ANK1: variants seen among roughly 807,000 people sequenced by gnomAD.
ANK1 encodes the protein ankyrin 1, also known as ankyrin-1.
Under a neutral mutation model 210.4 loss-of-function variants are expected in ANK1, and 51 were observed. The observed-to-expected ratio is 0.24, with a 90% CI of 0.19 to 0.31. ANK1 has a LOEUF of 0.31. Among genes scored for constraint, ANK1 ranks in the 10% least tolerant of loss-of-function variants. ANK1 has a pLI of 1.00. For synonymous variants in ANK1, 967 were observed against 1,025.9 expected (o/e 0.94, Z 1.10); for missense variants, 2,051 against 2,504.4 (o/e 0.82, Z 3.86).
chr8:41,817,921 G>T (rs570822708), intron 1 of ANK1, among the ~76,000 whole-genome samples: 1 of 152,340 alleles, frequency 6.6e-6, no homozygotes, highest in East Asian at 1.9e-4. Context: ...CTGAGACGAT[G>T]CTCCTGAGAA....
intron 1 of ANK1, among the ~76,000 whole-genome samples, chr8:41,877,594 A>T (rs1348686228): frequency 6.6e-6 from 1 of 152,240 alleles, no homozygotes; most frequent in African/African-American, 2.4e-5. Flanking sequence ...CACTGCTCTC[A>T]CAGAATTTAT....
chr8:41,696,076 G>A (rs769655017), intron 26 of ANK1, among the ~76,000 whole-genome samples: 3 of 152,270 alleles, frequency 2.0e-5, no homozygotes, highest in Admixed American at 6.5e-5. Context: ...TTTTTACAAC[G>A]ACGGGGTCTT....
rs200206750 is a variant in ANK1 at position 41,706,128 on chromosome 8, G to C, written c.2097+15C>G. ...AGGAGTCCACACAGACTGAAGTTCC[G>C]GCTGCCTGCCTTACCCGGGTGGTGG... On this transcript the variant is annotated intron_variant, in intron 18 of 42. Coordinates refer to ENST00000289734, the MANE Select transcript of ANK1 (RefSeq NM_000037.4). 4 of 1,612,746 alleles carry C rather than the reference G, an allele frequency of 2.5e-6. No homozygotes were observed. The highest frequency in any genetic ancestry group is 1.7e-5 in the Admixed American group (1 of 60,000).
chr8:41,780,897 C>T (rs993899552), intron 1 of ANK1, among the ~76,000 whole-genome samples: 10 of 146,922 alleles, frequency 6.8e-5, no homozygotes, highest in Non-Finnish European at 1.3e-4. Context: ...GGGTTAGTTT[C>T]TGGGGCTGGG....
At chr8:41,796,364 A>G (rs1848728240) in intron 1 of ANK1, among the ~76,000 whole-genome samples, 1 of 152,022 alleles carries the variant, frequency 6.6e-6, no homozygotes, top group Non-Finnish European at 1.5e-5. Context: ...TGCACGGGAC[A>G]CCTGCAGTCA....
chr8:41,802,468 G>A (rs773161600), upstream of ANK1, among the ~76,000 whole-genome samples: 43 of 152,172 alleles, frequency 2.8e-4, no homozygotes, highest in Non-Finnish European at 5.9e-4. Flanking sequence ...CCACATGCAT[G>A]AGTCTGTTGG....
At chr8:41,665,037 C>A (rs377753167) in intron 39 of ANK1, 9 of 1,612,034 alleles carry the variant, frequency 5.6e-6, no homozygotes, top group African/African-American at 1.3e-5. Context: ...CGCCTCCTCA[C>A]CAGCCCGGTC....
chr8:41,870,392 C>T lies in ANK1; in HGVS notation c.126+25963G>A, dbSNP rs73626659. On this transcript the variant is annotated intron_variant, in intron 1 of 42. Coordinates refer to the ANK1 transcript ENST00000265709. ...ATTCACTCGTGTTCATTCATTCAGACGACATGCTCTGAGCTCTACTCATGA... is the reference window on the plus strand; with the variant it reads ...ATTCACTCGTGTTCATTCATTCAGATGACATGCTCTGAGCTCTACTCATGA... 4.4e-3 allele frequency among the ~76,000 whole-genome samples: 668 copies of T among 152,296 alleles called. 10 individuals carry two copies. Among genetic ancestry groups the T allele is most frequent in the African/African-American group, 0.015 (644 of 41,558 alleles).
chr8:41,753,385 C>A (rs956653756), intron 2 of ANK1, among the ~76,000 whole-genome samples: 1 of 152,166 alleles, frequency 6.6e-6, no homozygotes, highest in Middle Eastern at 3.4e-3. Flanking sequence ...CTCTTAAGTA[C>A]CCCATCCCTG....
intron 1 of ANK1, among the ~76,000 whole-genome samples, chr8:41,889,795 T>TC (rs1238056051): frequency 6.6e-6 from 1 of 152,170 alleles, no homozygotes; most frequent in Non-Finnish European, 1.5e-5. Context: ...CCTTTTATGT[T>TC]CCCCTCTGAT....
intron 1 of ANK1, among the ~76,000 whole-genome samples, chr8:41,839,543 T>C (rs1045505551): frequency 2.0e-5 from 3 of 152,262 alleles, no homozygotes; most frequent in Non-Finnish European, 2.9e-5. Context: ...ATGATTTTCA[T>C]ATCTTTGGAA....
At chr8:41,893,486 A>AC (rs969596060) in intron 1 of ANK1, among the ~76,000 whole-genome samples, 15 of 151,790 alleles carry the variant, frequency 9.9e-5, no homozygotes, top group African/African-American at 3.4e-4. Context: ...AGCCTCCTCC[A>AC]CCCCCCGCAC....
chr8:41,871,001 C>CA (rs1450999300), intron 1 of ANK1, among the ~76,000 whole-genome samples: 2 of 152,320 alleles, frequency 1.3e-5, no homozygotes, highest in Non-Finnish European at 2.9e-5. Context: ...CATGCTCCAG[C>CA]AAGCCCTTTC....
At position 41,706,188 on chromosome 8, in the gene ANK1, T is replaced by C. The variant is rs922979408; in HGVS notation, c.2052A>G (p.Ala684=). The part of the protein sequence containing the change: ...LVAQEGHVPV[A]DVLIKHGVMV... ...TGACGCCGTGTTTGATCAGCACATC[T>C]GCCACTGGAACGTGGCCTTCTTGTG... is the stretch of plus-strand genomic sequence containing the variant. The change falls in exon 18 of 43, where the codon GCA becomes GCG. Residue 684 remains alanine, a synonymous_variant. Coordinates refer to ENST00000289734, the MANE Select transcript of ANK1 (RefSeq NM_000037.4). The C allele has an allele frequency of 1.2e-6, 2 of 1,614,030 alleles. No individual in the cohort carries two copies. Among genetic ancestry groups the C allele is most frequent in the African/African-American group, 2.7e-5 (2 of 74,952 alleles).
chr8:41,879,789 C>A (rs555256620), intron 1 of ANK1, among the ~76,000 whole-genome samples: 41 of 152,348 alleles, frequency 2.7e-4, no homozygotes, highest in African/African-American at 9.9e-4. Context: ...GGGCTCCTCT[C>A]ACAGACCAGT....
intron 1 of ANK1, among the ~76,000 whole-genome samples, chr8:41,804,441 C>T (rs1317489994): frequency 2.0e-5 from 3 of 152,178 alleles, no homozygotes; most frequent in Non-Finnish European, 4.4e-5. Flanking sequence ...GGAAGTATAT[C>T]GAAGAATGTG....
chr8:41,850,762 A>G (rs930462398), intron 1 of ANK1, among the ~76,000 whole-genome samples: 3 of 152,268 alleles, frequency 2.0e-5, no homozygotes, highest in African/African-American at 7.2e-5. Context: ...GATTACAAGC[A>G]TGAGCTACCA....
intron 1 of ANK1, among the ~76,000 whole-genome samples, chr8:41,830,442 T>G (rs1040475196): frequency 6.6e-6 from 1 of 151,954 alleles, no homozygotes; most frequent in African/African-American, 2.4e-5. Flanking sequence ...ATGGCTGCTT[T>G]CCACAGATGA....
intron 2 of ANK1, among the ~76,000 whole-genome samples, chr8:41,746,362 A>G (rs934633511): frequency 6.6e-6 from 1 of 152,210 alleles, no homozygotes; most frequent in African/African-American, 2.4e-5. Context: ...TCTCTTGCCT[A>G]GGGACAGGAA....
Sources: allele counts gnomAD v4.1 joint callset (sites outside exome capture counted in the v4.1 genomes callset), GRCh38; gene constraint gnomAD v4.1.1; transcripts MANE v1.5; gene names NCBI Gene and HGNC (gene_info 2026-07-23, HGNC 2026-07-21).